Variants in BZW2 observed in about 807,000 individuals in gnomAD.
The protein encoded by BZW2 is basic leucine zipper and W2 domains 2.
Under a neutral mutation model 53.2 loss-of-function variants are expected in BZW2, and 23 were observed. The observed-to-expected ratio is 0.43, with a 90% CI of 0.31 to 0.61. BZW2 has a LOEUF of 0.61. Among genes scored for constraint, BZW2 ranks in the 20% least tolerant of loss-of-function variants. The pLI is 0.09. For missense variants in BZW2, 409 were observed against 503.1 expected (o/e 0.81, Z 1.79); for synonymous variants, 227 against 186.4 (o/e 1.22, Z -1.77).
intron 6 of BZW2, 108 bp downstream of exon 6, chr7:16,686,148 C>G: frequency 2.0e-6 from 3 of 1,468,780 alleles, no homozygotes; most frequent in Non-Finnish European, 2.8e-6. Flanking sequence ...ATTACTCATT[C>G]TTCATTTAAG....
intron 1 of BZW2, among the ~76,000 whole-genome samples, chr7:16,657,110 C>T (rs909764698): frequency 6.6e-6 from 1 of 152,046 alleles, no homozygotes; most frequent in South Asian, 2.1e-4. Context: ...TATTATTGCT[C>T]GTGACTCTTT....
At chr7:16,663,209 C>T (rs1583707045) in intron 1 of BZW2, among the ~76,000 whole-genome samples, 1 of 152,140 alleles carries the variant, frequency 6.6e-6, no homozygotes, top group Admixed American at 6.5e-5. Flanking sequence ...GTTGCTGTTG[C>T]CCCCATACAC....
chr7:16,655,648 T>G (rs2128350619), intron 1 of BZW2, among the ~76,000 whole-genome samples: 1 of 152,300 alleles, frequency 6.6e-6, no homozygotes, highest in African/African-American at 2.4e-5. Flanking sequence ...CTGTACCTGT[T>G]CACCAATCTT....
chr7:16,679,537 G>A (rs554211014), intron 3 of BZW2, among the ~76,000 whole-genome samples: 1 of 152,310 alleles, frequency 6.6e-6, no homozygotes, highest in African/African-American at 2.4e-5. Context: ...GCCCATAGAG[G>A]GGATGATAAG....
intron 1 of BZW2, among the ~76,000 whole-genome samples, chr7:16,652,585 C>T (rs1210959873): frequency 1.3e-5 from 2 of 151,832 alleles, no homozygotes; most frequent in South Asian, 2.1e-4. Context: ...GGTGTGATCT[C>T]GGCTGACTGG....
At chr7:16,649,375 G>A (rs1208856044) in intron 1 of BZW2, among the ~76,000 whole-genome samples, 1 of 152,184 alleles carries the variant, frequency 6.6e-6, no homozygotes, top group Non-Finnish European at 1.5e-5. Context: ...GCAATGTGAG[G>A]TGAGGTGGCA....
Position 16,646,258 on chromosome 7 carries a change from C to G in BZW2, c.-38C>G. 3.4e-6 allele frequency: 1 copy of G among 291,040 alleles called. No individual in the cohort carries two copies. The highest frequency in any genetic ancestry group is 6.9e-6 in the Non-Finnish European group (1 of 143,902). 18.0% of individuals were successfully genotyped at this position (291,040 alleles called of 1,614,324 possible). ...CTGCACGAATCGCCGCAGCCCCCAG[C>G]CTTGCGCGTCGTCGCTACCTCCTCG... On this transcript the variant is annotated 5_prime_UTR_variant, in exon 1 of 12. Transcript: ENST00000258761.
chr7:16,674,201 A>G (rs973757532), intron 2 of BZW2, among the ~76,000 whole-genome samples: 7 of 152,130 alleles, frequency 4.6e-5, no homozygotes, highest in Non-Finnish European at 7.4e-5. Flanking sequence ...CGCCCGGCCT[A>G]CAGTAACTTA....
chr7:16,683,688 C>T lies in BZW2; in HGVS notation c.405+843C>T, dbSNP rs151105333. The stretch of plus-strand genomic sequence containing the variant: ...TTGAGTAATTGCATGTTCCCTCTTC[C>T]AATTTGTAACTCCTGTATTTATATA... On this transcript the variant is annotated intron_variant, in intron 5 of 11. Transcript: ENST00000258761. Among the ~76,000 whole-genome samples the T allele has an allele frequency of 1.4e-4, 21 of 152,312 alleles. No individual in the cohort carries two copies. In the East Asian group the frequency reaches 4.0e-3, roughly 29 times the overall value.
chr7:16,686,416 C>A, intron 6 of BZW2: 1 of 190,190 alleles, frequency 5.3e-6, no homozygotes, highest in Non-Finnish European at 1.1e-5. Context: ...AAACTGTTCC[C>A]CTCTCAAGGT....
intron 1 of BZW2, chr7:16,662,249 C>T (rs1389336285): frequency 2.0e-5 from 3 of 152,098 alleles, no homozygotes; most frequent in African/African-American, 7.2e-5. Context: ...CTGTCACCAC[C>T]AGTGGGTGAG....
intron 11 of BZW2, among the ~76,000 whole-genome samples, chr7:16,704,883 C>T (rs1783785461): frequency 6.6e-6 from 1 of 152,104 alleles, no homozygotes; most frequent in Non-Finnish European, 1.5e-5. Flanking sequence ...AAATGAAATG[C>T]TTAAATTATC....
intron 3 of BZW2, among the ~76,000 whole-genome samples, chr7:16,676,310 A>T (rs1782762631): frequency 6.6e-6 from 1 of 152,094 alleles, no homozygotes; most frequent in Non-Finnish European, 1.5e-5. Flanking sequence ...GCACTTTGGG[A>T]AGCCAAGGCA....
rs531756653 is a variant in BZW2 at position 16,690,840 on chromosome 7, C to T, written c.651+934C>T. On this transcript the variant is annotated intron_variant, in intron 7 of 11. Coordinates refer to ENST00000258761, the MANE Select transcript of BZW2 (RefSeq NM_014038.3). ...TACAATTTCTTTCTTCTTGATGCAG[C>T]AGCTGTGAAATGCCAAGATTTCTCC... 3.3e-5 allele frequency among the ~76,000 whole-genome samples: 5 copies of T among 152,246 alleles called. No individual in the cohort carries two copies. The South Asian group carries it at 1.0e-3, about 32-fold the overall frequency.
chr7:16,654,704 G>GTT (rs34037406), intron 1 of BZW2, among the ~76,000 whole-genome samples: 12 of 141,356 alleles, frequency 8.5e-5, no homozygotes, highest in African/African-American at 2.9e-4. Context: ...CTGGCTAATT[G>GTT]TTTTTTTTTT....
intron 5 of BZW2, among the ~76,000 whole-genome samples, chr7:16,683,102 A>G (rs775509885): frequency 5.9e-5 from 9 of 152,180 alleles, no homozygotes; most frequent in Non-Finnish European, 1.0e-4. Flanking sequence ...AGGCTGAGGC[A>G]GGAGAATTGC....
intron 1 of BZW2, among the ~76,000 whole-genome samples, chr7:16,656,150 T>TATATATATATATAC (rs143994492): frequency 2.7e-5 from 4 of 150,164 alleles, no homozygotes; most frequent in African/African-American, 1.0e-4. Context: ...TATATATATA[T>TATATATATATATAC]ACATAAATAT....
At chr7:16,661,979 G>C (rs1454547496) in intron 1 of BZW2, among the ~76,000 whole-genome samples, 1 of 152,112 alleles carries the variant, frequency 6.6e-6, no homozygotes, top group African/African-American at 2.4e-5. Context: ...TGTACTAACA[G>C]CCTTTGACAT....
intron 5 of BZW2, among the ~76,000 whole-genome samples, chr7:16,683,418 T>C (rs1783014325): frequency 1.3e-5 from 2 of 152,222 alleles, no homozygotes; most frequent in Non-Finnish European, 2.9e-5. Flanking sequence ...GTAAGAATAG[T>C]TTTACGGGCT....
Sources: gnomAD v4.1 joint callset for allele counts (sites outside exome capture counted in the v4.1 genomes callset) on GRCh38, gnomAD v4.1.1 for gene constraint, MANE v1.5 for transcripts, NCBI Gene and HGNC (gene_info 2026-07-23, HGNC 2026-07-21) for gene names.